CNTNAP3: variants seen among roughly 807,000 people sequenced by gnomAD.
CNTNAP3 encodes the protein contactin associated protein family member 3.
In CNTNAP3, 36 loss-of-function variants were observed where a neutral mutation model predicts 92.1. The ratio of observed to expected loss-of-function variants is 0.39; its 90% CI spans 0.30 to 0.52. The LOEUF (loss-of-function observed/expected upper bound fraction) is 0.52, where lower values mean the gene tolerates loss of function less well. CNTNAP3 is among the 20% of genes least tolerant of loss of function. The pLI, the probability that CNTNAP3 is intolerant of heterozygous loss-of-function variation, is 0.76. For missense variants in CNTNAP3, 534 were observed against 1,069.6 expected (o/e 0.50, Z 6.98); for synonymous variants, 232 against 422.3 (o/e 0.55, Z 5.53).
chr9:39,101,199 C>T (rs1378842926), intron 17 of CNTNAP3, among the ~76,000 whole-genome samples: 3 of 149,508 alleles, frequency 2.0e-5, no homozygotes, highest in African/African-American at 7.4e-5. Flanking sequence ...AATAGAAGAG[C>T]TAACCACGCC....
intron 13 of CNTNAP3, among the ~76,000 whole-genome samples, chr9:39,127,380 A>C (rs2118018002): frequency 6.6e-6 from 1 of 152,154 alleles, no homozygotes; most frequent in African/African-American, 2.4e-5. Context: ...AGAAACTAGA[A>C]AACAAAATTA....
At chr9:39,131,687 A>G (rs2721437) in intron 13 of CNTNAP3, among the ~76,000 whole-genome samples, 2 of 151,838 alleles carry the variant, frequency 1.3e-5, no homozygotes, top group African/African-American at 2.4e-5. Context: ...TTAGCCGGGC[A>G]TGGCGGCACC....
chr9:39,085,447 A>G, intron 21 of CNTNAP3: 1 of 424,164 alleles, frequency 2.4e-6, no homozygotes. Flanking sequence ...CTTTGACAAC[A>G]TTTCACTTTT....
In CNTNAP3 at chr9:39,093,898, G is replaced by A. The variant is rs185446377; in HGVS notation, c.2996-5251C>T. On this transcript the variant is annotated intron_variant, in intron 18 of 23. Transcript: ENST00000297668. ...ATGTAGAAGTGGAATTGCTGGGTTC[G>A]AAGGTAATTCTATGTTTAACTACTT... is the stretch of plus-strand genomic sequence containing the variant. Among the ~76,000 whole-genome samples the A allele has an allele frequency of 4.9e-3, 736 of 151,224 alleles. 4 individuals carry two copies. The highest frequency in any genetic ancestry group is 0.015 in the African/African-American group (640 of 41,414).
At position 39,100,134 on chromosome 9, in the gene CNTNAP3, T is replaced by A. The variant is rs1357699470; in HGVS notation, c.2772A>T (p.Arg924Ser). Residue 924 changes from arginine (R) to serine (S), a missense_variant, in exon 18 of 24, where the codon AGA becomes AGT. Transcript: ENST00000297668. ...GAATGCATCCTAGAAAGCCTCTCTG[T>A]CTGGTGGCCGTTCCACCTACAACGG... ...SQLFIGGTATRQRGFLGCIRS... is the reference protein window; with the variant it reads ...SQLFIGGTATSQRGFLGCIRS... 8.8e-6 allele frequency: 14 copies of A among 1,584,566 alleles called. No individual in the cohort carries two copies. The highest frequency in any genetic ancestry group is 1.2e-5 in the Non-Finnish European group (14 of 1,162,446).
chr9:39,114,168 T>C (rs370837471), intron 14 of CNTNAP3, among the ~76,000 whole-genome samples: 13,880 of 149,600 alleles, frequency 0.093, 635 homozygotes, highest in African/African-American at 0.14. Flanking sequence ...CTGTAAGCTC[T>C]GCCTTCCAGC....
chr9:39,139,567 A>G (rs1295199428), intron 12 of CNTNAP3, among the ~76,000 whole-genome samples: 6 of 152,160 alleles, frequency 3.9e-5, no homozygotes, highest in African/African-American at 1.4e-4. Flanking sequence ...GTTATTGTCC[A>G]AATTTATGAA....
chr9:39,076,750 T>C (rs76972053), intron 23 of CNTNAP3, among the ~76,000 whole-genome samples: 10,560 of 146,400 alleles, frequency 0.072, no homozygotes, highest in African/African-American at 0.22. Flanking sequence ...AGGTGGATCA[T>C]GAGGTCAGGA....
At chr9:39,149,498 C>T (rs1182413901) in intron 10 of CNTNAP3, among the ~76,000 whole-genome samples, 1 of 150,260 alleles carries the variant, frequency 6.7e-6, no homozygotes, top group South Asian at 2.1e-4. Flanking sequence ...TACAGGTGGC[C>T]GCCACCACGC....
chr9:39,114,376 C>T (rs548794484), intron 14 of CNTNAP3, among the ~76,000 whole-genome samples: 32 of 152,212 alleles, frequency 2.1e-4, no homozygotes, highest in Admixed American at 1.9e-3. Flanking sequence ...TGAGCCATGG[C>T]GCCCTGCCAC....
intron 13 of CNTNAP3, among the ~76,000 whole-genome samples, chr9:39,130,473 T>C (rs562368879): frequency 6.6e-6 from 1 of 151,738 alleles, no homozygotes; most frequent in Non-Finnish European, 1.5e-5. Context: ...CTAGTGGTTA[T>C]TAACGAGCAA....
chr9:39,117,304 T>TA (rs1348534025), intron 14 of CNTNAP3, among the ~76,000 whole-genome samples: 13 of 152,188 alleles, frequency 8.5e-5, no homozygotes, highest in South Asian at 8.3e-4. Context: ...AGTTTTTTTT[T>TA]AAAGCACGTA....
chr9:39,105,166 G>T (rs1046824254), intron 15 of CNTNAP3, among the ~76,000 whole-genome samples: 18 of 152,132 alleles, frequency 1.2e-4, no homozygotes, highest in Non-Finnish European at 1.8e-4. Context: ...AGTGGCTCAC[G>T]CCTGTAACCC....
chr9:39,109,981 C>T lies in CNTNAP3; in HGVS notation c.2238-694G>A, dbSNP rs553499043. Among the ~76,000 whole-genome samples the T allele has an allele frequency of 6.6e-5, 10 of 152,286 alleles. No homozygotes were observed. The East Asian group carries it at 1.7e-3, about 26-fold the overall frequency. The stretch of plus-strand genomic sequence containing the variant: ...TACTGGGTATTTCTTTCCTTGTTAA[C>T]TTTGTAAATGCAAAATGAATCCCAC... On this transcript the variant is annotated intron_variant, in intron 14 of 23. Coordinates refer to ENST00000297668, the MANE Select transcript of CNTNAP3 (RefSeq NM_033655.5).
chr9:39,110,034 C>A (rs1332488203), intron 14 of CNTNAP3, among the ~76,000 whole-genome samples: 1 of 151,942 alleles, frequency 6.6e-6, no homozygotes, highest in Non-Finnish European at 1.5e-5. Context: ...CATACTACAC[C>A]CTTATAAGTA....
chr9:39,150,903 T>G (rs1360080695), intron 9 of CNTNAP3, among the ~76,000 whole-genome samples: 1 of 138,596 alleles, frequency 7.2e-6, no homozygotes, highest in African/African-American at 2.8e-5. Context: ...TGCCTGACTT[T>G]GACGTAAGCA....
chr9:39,067,087 T>C lies in CNTNAP3; in HGVS notation c.*6803A>G, dbSNP rs1825524620. On this transcript the variant is annotated 3_prime_UTR_variant, in exon 24 of 24. Coordinates refer to ENST00000297668, the MANE Select transcript of CNTNAP3 (RefSeq NM_033655.5). ...TCATTTTGGATGCTTTCTACTGCTATATATATTCAAGTTTATTAATATTTT... is the reference window on the plus strand; with the variant it reads ...TCATTTTGGATGCTTTCTACTGCTACATATATTCAAGTTTATTAATATTTT... Among the ~76,000 whole-genome samples, 1 of 152,302 alleles carries C rather than the reference T, an allele frequency of 6.6e-6. No individual in the cohort carries two copies. The highest frequency in any genetic ancestry group is 1.5e-5 in the Non-Finnish European group (1 of 68,052).
chr9:39,127,974 G>A (rs1326152708), intron 13 of CNTNAP3, among the ~76,000 whole-genome samples: 1 of 152,070 alleles, frequency 6.6e-6, no homozygotes, highest in Non-Finnish European at 1.5e-5. Context: ...GAGTAGCTGG[G>A]ATTATAGGTG....
intron 21 of CNTNAP3, among the ~76,000 whole-genome samples, chr9:39,081,658 C>T (rs1015952413): frequency 1.3e-5 from 2 of 149,934 alleles, no homozygotes; most frequent in Admixed American, 6.7e-5. Flanking sequence ...GAAGTCATGC[C>T]AAATAGACAG....
Sources: gnomAD v4.1 joint callset for allele counts (sites outside exome capture counted in the v4.1 genomes callset) on GRCh38, gnomAD v4.1.1 for gene constraint, MANE v1.5 for transcripts, NCBI Gene and HGNC (gene_info 2026-07-23, HGNC 2026-07-21) for gene names.